The following KCNAB1 variants were observed in gnomAD, a reference collection of about 807,000 sequenced individuals.
The protein encoded by KCNAB1 is potassium voltage-gated channel subfamily A regulatory beta subunit 1.
Under a neutral mutation model 64.6 loss-of-function variants are expected in KCNAB1, and 35 were observed. That is an observed-to-expected ratio of 0.54 (90% CI 0.41 to 0.72). The LOEUF (loss-of-function observed/expected upper bound fraction) is 0.72. KCNAB1 is among the 30% of genes least tolerant of loss of function. The pLI, the probability that KCNAB1 is intolerant of heterozygous loss-of-function variation, is 0.00. For synonymous variants in KCNAB1, 177 were observed against 183.8 expected (o/e 0.96, Z 0.30); for missense variants, 401 against 512.9 (o/e 0.78, Z 2.11).
intron 2 of KCNAB1, among the ~76,000 whole-genome samples, chr3:156,447,615 A>G (rs139272989): frequency 6.6e-6 from 1 of 152,328 alleles, no homozygotes; most frequent in African/African-American, 2.4e-5. Flanking sequence ...TTAGACCCAA[A>G]TTAAGGGACA....
At chr3:156,420,958 C>CACAT (rs1553744257) in intron 1 of KCNAB1, among the ~76,000 whole-genome samples, 1 of 149,610 alleles carries the variant, frequency 6.7e-6, no homozygotes, top group African/African-American at 2.4e-5. Flanking sequence ...CACACACACA[C>CACAT]ATATATATGT....
intron 7 of KCNAB1, among the ~76,000 whole-genome samples, chr3:156,473,407 C>T (rs1282626226): frequency 6.6e-6 from 1 of 152,176 alleles, no homozygotes; most frequent in East Asian, 1.9e-4. Context: ...TTACCTCCTC[C>T]CTGCATACAA....
intron 1 of KCNAB1, among the ~76,000 whole-genome samples, chr3:156,133,814 G>T (rs900602685): frequency 4.6e-5 from 7 of 152,168 alleles, no homozygotes; most frequent in Admixed American, 1.3e-4. Context: ...ATGCATGGGG[G>T]TTTGTGGGAA....
intron 8 of KCNAB1, 100 bp from the exon 9 acceptor site, chr3:156,514,264 A>G (rs1441041644): frequency 6.1e-6 from 5 of 817,810 alleles, no homozygotes; most frequent in Non-Finnish European, 8.3e-6. Context: ...TCAAACAAAC[A>G]ATTGCATTAA....
chr3:156,299,479 CAGGAAG>C (rs1721014408), intron 1 of KCNAB1, among the ~76,000 whole-genome samples: 1 of 151,542 alleles, frequency 6.6e-6, no homozygotes, highest in African/African-American at 2.4e-5. Flanking sequence ...ACAGGCTTCT[CAGGAAG>C]AGATCTACAA....
At chr3:156,444,311 C>T (rs1022053430) in intron 2 of KCNAB1, among the ~76,000 whole-genome samples, 5 of 152,202 alleles carry the variant, frequency 3.3e-5, no homozygotes, top group African/African-American at 4.8e-5. Flanking sequence ...GATGCCCCAG[C>T]TGCAGCTCAT....
At chr3:156,211,943 G>A (rs1025952046) in intron 1 of KCNAB1, among the ~76,000 whole-genome samples, 1 of 152,210 alleles carries the variant, frequency 6.6e-6, no homozygotes, top group Non-Finnish European at 1.5e-5. Flanking sequence ...GTCAAAACCG[G>A]AAGGGAAACA....
chr3:156,295,109 A>G (rs567241206), intron 1 of KCNAB1, among the ~76,000 whole-genome samples: 1 of 152,338 alleles, frequency 6.6e-6, no homozygotes, highest in Non-Finnish European at 1.5e-5. Context: ...TAATTGTCTA[A>G]TAGAAGATAT....
chr3:156,146,906 A>G (rs1481998417), intron 1 of KCNAB1, among the ~76,000 whole-genome samples: 1 of 152,230 alleles, frequency 6.6e-6, no homozygotes, highest in Non-Finnish European at 1.5e-5. Flanking sequence ...CTGGTTTAGA[A>G]AGCAAGGCCT....
chr3:156,531,185 A>G (rs1718678290), intron 12 of KCNAB1, among the ~76,000 whole-genome samples: 1 of 152,184 alleles, frequency 6.6e-6, no homozygotes, highest in African/African-American at 2.4e-5. Context: ...CAGCGCCTCT[A>G]TGCATTTGCA....
In KCNAB1 at chr3:156,212,081, A is replaced by T. The variant is rs369868549; in HGVS notation, c.275+91195A>T. ...GGAAGCCTTGTAAGGGAACTTCATGATCCCCCACCATGTTAGTTCAGTGAA... is the reference window on the plus strand; with the variant it reads ...GGAAGCCTTGTAAGGGAACTTCATGTTCCCCCACCATGTTAGTTCAGTGAA... On this transcript the variant is annotated intron_variant, in intron 1 of 13. Transcript: ENST00000490337. 2.3e-4 allele frequency among the ~76,000 whole-genome samples: 35 copies of T among 152,142 alleles called. 3 individuals are homozygous for T. The highest frequency in any genetic ancestry group is 2.0e-3 in the Admixed American group (30 of 15,274).
chr3:156,292,134 C>T, intron 1 of KCNAB1: 1 of 1,613,630 alleles, frequency 6.2e-7, no homozygotes, highest in Non-Finnish European at 8.5e-7. Context: ...TATAGGTATG[C>T]ACGTAAGATT....
chr3:156,464,063 C>T lies in KCNAB1; in HGVS notation c.527+317C>T, dbSNP rs576615565. The stretch of plus-strand genomic sequence containing the variant: ...TCAAATTTGAGGAAAGAAAAATAGG[C>T]ACAAAGCATCACAGAAGAAAAGTCA... On this transcript the variant is annotated intron_variant, in intron 6 of 13. Coordinates refer to ENST00000490337, the MANE Select transcript of KCNAB1 (RefSeq NM_172160.3). 1.2e-4 allele frequency among the ~76,000 whole-genome samples: 19 copies of T among 152,194 alleles called. No homozygotes were observed. The South Asian group carries it at 2.9e-3, about 23-fold the overall frequency.
At chr3:156,341,579 T>C (rs1005713566) in intron 1 of KCNAB1, among the ~76,000 whole-genome samples, 1 of 152,204 alleles carries the variant, frequency 6.6e-6, no homozygotes, top group African/African-American at 2.4e-5. Flanking sequence ...TTATTGTCCC[T>C]GTGGTCTGTG....
At chr3:156,497,333 A>G (rs1167538585) in intron 8 of KCNAB1, among the ~76,000 whole-genome samples, 1 of 152,244 alleles carries the variant, frequency 6.6e-6, no homozygotes, top group Non-Finnish European at 1.5e-5. Flanking sequence ...TAAAGGAGCA[A>G]TGAAGATTGC....
At chr3:156,126,540 T>C (rs1021794913) in intron 1 of KCNAB1, among the ~76,000 whole-genome samples, 2 of 152,162 alleles carry the variant, frequency 1.3e-5, no homozygotes, top group African/African-American at 4.8e-5. Flanking sequence ...CAAATGCAGG[T>C]ATTAGCTTTG....
At position 156,516,374 on chromosome 3, in the gene KCNAB1, T is replaced by G. The variant is rs1180847561; in HGVS notation, c.960+10T>G. ...CAGGGCTTCACTGAAGGTATTTTTC[T>G]CAATGTCTAGAAAAAAGCCTGGGAG... On this transcript the variant is annotated intron_variant, in intron 11 of 13. Coordinates refer to ENST00000490337, the MANE Select transcript of KCNAB1 (RefSeq NM_172160.3). 1.3e-6 allele frequency: 2 copies of G among 1,593,980 alleles called. No homozygotes were observed. Among genetic ancestry groups the G allele is most frequent in the African/African-American group, 2.7e-5 (2 of 74,428 alleles).
chr3:156,529,448 G>C (rs1235616786), intron 12 of KCNAB1, among the ~76,000 whole-genome samples: 1 of 151,376 alleles, frequency 6.6e-6, no homozygotes, highest in South Asian at 2.1e-4. Flanking sequence ...ACCTAAAATG[G>C]GTAAAATTTT....
chr3:156,140,917 G>T (rs1023806441), intron 1 of KCNAB1, among the ~76,000 whole-genome samples: 1 of 152,142 alleles, frequency 6.6e-6, no homozygotes, highest in Non-Finnish European at 1.5e-5. Flanking sequence ...TGTCAGCAGA[G>T]ATGTAAGATG....
Sources: gnomAD v4.1 joint callset for allele counts (sites outside exome capture counted in the v4.1 genomes callset) on GRCh38, gnomAD v4.1.1 for gene constraint, MANE v1.5 for transcripts, NCBI Gene and HGNC (gene_info 2026-07-23, HGNC 2026-07-21) for gene names.